Variants in NAV2 observed in about 807,000 individuals in gnomAD.
NAV2 encodes the protein helicase, APC down-regulated 1.
Under a neutral mutation model 223.2 loss-of-function variants are expected in NAV2, and 54 were observed. That is an observed-to-expected ratio of 0.24 (90% confidence interval 0.19 to 0.30). The LOEUF (loss-of-function observed/expected upper bound fraction) is 0.30. Ranked by LOEUF, NAV2 falls within the 10% of genes least tolerant of loss-of-function variation. The probability of loss-of-function intolerance (pLI) is 1.00; values close to 1 mark genes in which losing one functional copy is unlikely to be tolerated. For missense variants in NAV2, 2,806 were observed against 3,147.5 expected, an observed-to-expected ratio of 0.89 and a Z score of 2.60; for synonymous variants, 1,279 against 1,239.3, an observed-to-expected ratio of 1.03 and a Z score of -0.67.
intron 1 of NAV2, among the ~76,000 whole-genome samples, chr11:19,809,880 A>G (rs1358681424): frequency 2.0e-5 from 3 of 152,166 alleles, no homozygotes; most frequent in Non-Finnish European, 4.4e-5. Context: ...GTAAAGTGAC[A>G]TTTTTCATCC....
At chr11:19,448,824 GATAA>G (rs1158889396) in intron 1 of NAV2, among the ~76,000 whole-genome samples, 2 of 152,190 alleles carry the variant, frequency 1.3e-5, no homozygotes, top group African/African-American at 4.8e-5. Context: ...TGATTAGTTT[GATAA>G]ATAAAGACTC....
At chr11:19,557,860 C>T (rs1032931648) in intron 1 of NAV2, among the ~76,000 whole-genome samples, 16 of 152,156 alleles carry the variant, frequency 1.1e-4, no homozygotes, top group Admixed American at 7.8e-4. Context: ...TCAGTGGCCA[C>T]GTGGGGGCAG....
chr11:19,562,499 T>A (rs971082311), intron 1 of NAV2, among the ~76,000 whole-genome samples: 1 of 151,426 alleles, frequency 6.6e-6, no homozygotes, highest in African/African-American at 2.4e-5. Context: ...ACTCTTCATA[T>A]TTTTTTTTCA....
intron 6 of NAV2, among the ~76,000 whole-genome samples, chr11:19,904,291 C>T (rs1254037067): frequency 6.6e-6 from 1 of 151,922 alleles, no homozygotes. Context: ...ATGCCAGTCA[C>T]TGAGTATTCA....
intron 10 of NAV2, among the ~76,000 whole-genome samples, chr11:19,954,194 G>A (rs534393570): frequency 6.6e-6 from 1 of 152,244 alleles, no homozygotes; most frequent in African/African-American, 2.4e-5. Flanking sequence ...GTGATATTTA[G>A]GGCTAAGGAT....
chr11:20,106,967 A>C (rs116769191), intron 35 of NAV2, among the ~76,000 whole-genome samples: 2 of 143,570 alleles, frequency 1.4e-5, no homozygotes, highest in Non-Finnish European at 3.0e-5. Flanking sequence ...TTTAAAAATT[A>C]TTTTTAAAGG....
chr11:19,974,741 G>A (rs562518962), intron 10 of NAV2, among the ~76,000 whole-genome samples: 44 of 152,346 alleles, frequency 2.9e-4, no homozygotes, highest in African/African-American at 1.0e-3. Context: ...TACCTTGGGT[G>A]ACAAAGCAAG....
intron 1 of NAV2, among the ~76,000 whole-genome samples, chr11:19,792,921 A>G (rs938881183): frequency 2.0e-5 from 3 of 151,880 alleles, no homozygotes; most frequent in African/African-American, 7.3e-5. Flanking sequence ...TTAAAAAAAA[A>G]AAAGAGGCTG....
At chr11:19,978,198 G>A (rs914701789) in intron 10 of NAV2, among the ~76,000 whole-genome samples, 5 of 151,746 alleles carry the variant, frequency 3.3e-5, no homozygotes, top group East Asian at 1.9e-4. Flanking sequence ...CCTACGACCC[G>A]GAGTGAAGTT....
intron 1 of NAV2, among the ~76,000 whole-genome samples, chr11:19,369,000 G>A (rs1222550087): frequency 6.6e-6 from 1 of 152,152 alleles, no homozygotes; most frequent in Non-Finnish European, 1.5e-5. Flanking sequence ...CTTTGAGCAT[G>A]GAATGACTTG....
At chr11:19,463,697 T>C (rs1030204314) in intron 1 of NAV2, among the ~76,000 whole-genome samples, 2 of 152,080 alleles carry the variant, frequency 1.3e-5, no homozygotes, top group Non-Finnish European at 2.9e-5. Flanking sequence ...CAAATAGTAG[T>C]TAATTATGTT....
chr11:20,026,462 C>T (rs2153545178), intron 11 of NAV2, among the ~76,000 whole-genome samples: 1 of 152,198 alleles, frequency 6.6e-6, no homozygotes, highest in South Asian at 2.1e-4. Context: ...AGGTGCCTGC[C>T]ACCATACCTG....
chr11:19,509,667 T>C (rs1287944197), intron 1 of NAV2, among the ~76,000 whole-genome samples: 2 of 152,226 alleles, frequency 1.3e-5, no homozygotes, highest in Non-Finnish European at 2.9e-5. Flanking sequence ...GATGAGAAGA[T>C]AATTGTTTGC....
At chr11:20,023,699 G>GGGGGGTGTGT (rs1554902313) in intron 11 of NAV2, among the ~76,000 whole-genome samples, 21 of 144,680 alleles carry the variant, frequency 1.5e-4, no homozygotes, top group South Asian at 6.8e-4. Flanking sequence ...CAAATTGCTG[G>GGGGGGTGTGT]GTGTGTGTGT....
At chr11:19,538,058 A>T (rs897435178) in intron 1 of NAV2, among the ~76,000 whole-genome samples, 1 of 152,258 alleles carries the variant, frequency 6.6e-6, no homozygotes, top group African/African-American at 2.4e-5. Flanking sequence ...TTTCTTCTGC[A>T]GCACCTATGC....
intron 3 of NAV2, among the ~76,000 whole-genome samples, chr11:19,843,320 C>T (rs1295621605): frequency 4.6e-5 from 7 of 152,152 alleles, no homozygotes; most frequent in Admixed American, 2.6e-4. Context: ...TAATCAGAAA[C>T]TGGAGCATGT....
chr11:19,650,738 G>A (rs2047947796), intron 1 of NAV2, among the ~76,000 whole-genome samples: 1 of 152,164 alleles, frequency 6.6e-6, no homozygotes, highest in Non-Finnish European at 1.5e-5. Flanking sequence ...ATACTACCCG[G>A]CAATTAAAAG....
chr11:19,525,173 A>T (rs2632064), intron 1 of NAV2, among the ~76,000 whole-genome samples: 65,606 of 152,072 alleles, frequency 0.43, 14,766 homozygotes, highest in African/African-American at 0.56. Context: ...AAAGGATCTT[A>T]CTGTCCAACC....
chr11:19,523,184 C>T (rs146186344), intron 1 of NAV2, among the ~76,000 whole-genome samples: 2 of 152,340 alleles, frequency 1.3e-5, no homozygotes, highest in East Asian at 3.9e-4. Flanking sequence ...ACTCCACACC[C>T]AAGGCCCCCA....
Sources: allele counts gnomAD v4.1 joint callset (sites outside exome capture counted in the v4.1 genomes callset), GRCh38; gene constraint gnomAD v4.1.1; transcripts MANE v1.5; gene names NCBI Gene and HGNC (gene_info 2026-07-23, HGNC 2026-07-21).